INSR: variants seen among roughly 807,000 people sequenced by gnomAD.
INSR encodes IR.
In INSR, 67 loss-of-function variants were observed where a neutral mutation model predicts 142.6. That is an observed-to-expected ratio of 0.47 (90% CI 0.39 to 0.58). The LOEUF is 0.58. Among genes scored for constraint, INSR ranks in the 20% least tolerant of loss-of-function variants. The pLI is 0.00. For synonymous variants in INSR, 756 were observed against 743.1 expected (o/e 1.02, Z -0.28); for missense variants, 1,248 against 1,833.2 (o/e 0.68, Z 5.83).
At chr19:7,258,143 T>G (rs546995841) in intron 2 of INSR, among the ~76,000 whole-genome samples, 135 of 152,216 alleles carry the variant, frequency 8.9e-4, no homozygotes, top group Middle Eastern at 3.4e-3. Flanking sequence ...TGAAAAAGCA[T>G]TCTTAAGCCA....
rs113350400 is a variant in INSR, at chr19:7,234,975, G to C, written c.652+32370C>G. 3.7e-3 allele frequency among the ~76,000 whole-genome samples: 560 copies of C among 152,022 alleles called. 3 individuals carry two copies. The highest frequency in any genetic ancestry group is 0.013 in the African/African-American group (525 of 41,476). ...TGGGAGGCTGAGGCAGGAGAATGGC[G>C]TGAACCCGGGAGGCGGAGCTTGCAG... On this transcript the variant is annotated intron_variant, in intron 2 of 21. Transcript: ENST00000302850.
At chr19:7,235,967 TTTCC>T (rs1976146130) in intron 2 of INSR, among the ~76,000 whole-genome samples, 1 of 116,782 alleles carries the variant, frequency 8.6e-6, no homozygotes, top group Non-Finnish European at 1.7e-5. Context: ...CAATCTGGCC[TTTCC>T]TTTTTTTTTT....
chr19:7,211,684 A>G (rs932002454), intron 2 of INSR, among the ~76,000 whole-genome samples: 12 of 152,176 alleles, frequency 7.9e-5, no homozygotes, highest in Non-Finnish European at 1.3e-4. Flanking sequence ...AGCTGACTCT[A>G]CTCCCACAGA....
Position 7,172,288 on chromosome 19 carries a change from A to G in INSR, c.1268+2T>C. The G allele has an allele frequency of 1.2e-6, 2 of 1,614,110 alleles. No homozygotes were observed. Among genetic ancestry groups the G allele is most frequent in the South Asian group, 2.2e-5 (2 of 91,080 alleles). The stretch of plus-strand genomic sequence containing the variant: ...GCCATACACACAATCAGGCCCACGT[A>G]CCCAATTTCCAAGGTCTCTCCTCGA... On this transcript the variant is annotated splice_donor_variant, in intron 5 of 21. Transcript: ENST00000302850. LOFTEE classifies it high-confidence loss of function.
intron 12 of INSR, 66 bp downstream of exon 12, chr19:7,142,750 G>T (rs531597225): frequency 1.1e-5 from 18 of 1,569,918 alleles, no homozygotes; most frequent in Admixed American, 5.0e-5. Flanking sequence ...AGAGGGTGGA[G>T]AATCTGTCCT....
chr19:7,151,162 C>CTT (rs1359040007), intron 10 of INSR, among the ~76,000 whole-genome samples: 1,418 of 45,834 alleles, frequency 0.031, 24 homozygotes, highest in African/African-American at 0.034. Context: ...TTCTTTCTTT[C>CTT]TCTTTCTTTC....
chr19:7,118,190 G>C (rs974887698), intron 21 of INSR, among the ~76,000 whole-genome samples: 5 of 150,900 alleles, frequency 3.3e-5, no homozygotes, highest in African/African-American at 9.7e-5. Context: ...AGTGAGCTGT[G>C]ATTGTGCCAC....
chr19:7,156,503 C>G (rs1301543977), intron 9 of INSR, among the ~76,000 whole-genome samples: 3 of 152,056 alleles, frequency 2.0e-5, no homozygotes, highest in Non-Finnish European at 4.4e-5. Context: ...CAGGACCTGG[C>G]TGGGGCGTCC....
intron 2 of INSR, among the ~76,000 whole-genome samples, chr19:7,220,707 A>G (rs1036427486): frequency 6.6e-6 from 1 of 152,248 alleles, no homozygotes; most frequent in African/African-American, 2.4e-5. Flanking sequence ...ATTAAATAAA[A>G]TAATAGATAT....
At chr19:7,272,774 GTCTC>G (rs369231078) in intron 1 of INSR, among the ~76,000 whole-genome samples, 35 of 152,266 alleles carry the variant, frequency 2.3e-4, no homozygotes, top group African/African-American at 8.2e-4. Context: ...AGAGATAGTG[GTCTC>G]TCTATGTTGC....
intron 11 of INSR, among the ~76,000 whole-genome samples, chr19:7,145,176 G>T (rs1973160207): frequency 1.3e-5 from 2 of 151,722 alleles, no homozygotes; most frequent in African/African-American, 4.8e-5. Context: ...ATTCATTAAG[G>T]ATATTAACCT....
At chr19:7,262,533 G>T (rs777173988) in intron 2 of INSR, among the ~76,000 whole-genome samples, 1 of 152,152 alleles carries the variant, frequency 6.6e-6, no homozygotes, top group African/African-American at 2.4e-5. Flanking sequence ...TGCAGGCATT[G>T]AAAAGCTAGA....
chr19:7,239,923 C>G (rs1321384801), intron 2 of INSR, among the ~76,000 whole-genome samples: 1 of 152,096 alleles, frequency 6.6e-6, no homozygotes, highest in Non-Finnish European at 1.5e-5. Flanking sequence ...TGAGGAAGAT[C>G]GCAGAGTTTT....
chr19:7,203,813 A>G (rs1446500268), intron 2 of INSR, among the ~76,000 whole-genome samples: 1 of 114,784 alleles, frequency 8.7e-6, no homozygotes, highest in Non-Finnish European at 1.9e-5. Context: ...TCGTGACAAA[A>G]GGGAGACGAC....
chr19:7,257,413 C>T (rs1252574763), intron 2 of INSR, among the ~76,000 whole-genome samples: 1 of 150,868 alleles, frequency 6.6e-6, no homozygotes, highest in African/African-American at 2.4e-5. Flanking sequence ...CGTCTAGAAG[C>T]ACGGGTTCGA....
chr19:7,231,526 G>C (rs1489512926), intron 2 of INSR, among the ~76,000 whole-genome samples: 3 of 151,864 alleles, frequency 2.0e-5, no homozygotes, highest in Non-Finnish European at 4.4e-5. Context: ...GTCTCGAACT[G>C]CTGACCACCA....
rs1973998790 is a variant in INSR, at chr19:7,170,763, A to T, written c.1269-12T>A. ...AGAAGGAGTAGTTCCTATGGAAAAA[A>T]CACACACATCTAGTCATTCAACGGC... is the stretch of plus-strand genomic sequence containing the variant. On this transcript the variant is annotated splice_polypyrimidine_tract_variant and intron_variant, in intron 5 of 21. Coordinates refer to ENST00000302850, the MANE Select transcript of INSR (RefSeq NM_000208.4). 6 of 1,597,248 alleles carry T rather than the reference A, an allele frequency of 3.8e-6. No homozygotes were observed. Among genetic ancestry groups the T allele is most frequent in the Non-Finnish European group, 5.2e-6 (6 of 1,164,596 alleles).
Position 7,268,044 on chromosome 19 carries a change from G to A in INSR, c.101-148C>T, listed in dbSNP as rs1441322502. The A allele has an allele frequency of 1.4e-5, 10 of 714,456 alleles. No homozygotes were observed. The East Asian group carries it at 2.7e-4, about 19-fold the overall frequency. The allele number at this position is 714,456 out of a possible 1,614,324, so 44.3% of individuals were successfully genotyped here. ...GCCCTGTAAACTCTGCAGCCAGCCG[G>A]GATGAGTAGCTTTCTCTGTAAAGTA... On this transcript the variant is annotated intron_variant, in intron 1 of 21. Transcript: ENST00000302850.
intron 9 of INSR, among the ~76,000 whole-genome samples, chr19:7,161,706 G>T (rs997332940): frequency 6.6e-6 from 1 of 152,104 alleles, no homozygotes; most frequent in South Asian, 2.1e-4. Flanking sequence ...GAAGTCTTGC[G>T]TGGGTTAACA....
Sources: allele counts gnomAD v4.1 joint callset (sites outside exome capture counted in the v4.1 genomes callset), GRCh38; gene constraint gnomAD v4.1.1; transcripts MANE v1.5; gene names NCBI Gene and HGNC (gene_info 2026-07-23, HGNC 2026-07-21).